RGS6: variants seen among roughly 807,000 people sequenced by gnomAD.
RGS6 encodes the protein regulator of G protein signaling 6, also known as regulator of G-protein signaling 6.
A neutral mutation model predicts 78.5 loss-of-function variants in RGS6; 30 were observed. That is an observed-to-expected ratio of 0.38 (90% confidence interval 0.29 to 0.52). The LOEUF (loss-of-function observed/expected upper bound fraction) is 0.52, where lower values mean the gene tolerates loss of function less well. RGS6 is among the 20% of genes least tolerant of loss of function. The probability of loss-of-function intolerance (pLI) is 0.85; values close to 1 mark genes in which losing one functional copy is unlikely to be tolerated. For missense variants in RGS6, 495 were observed against 609.7 expected (o/e 0.81, Z 1.98); for synonymous variants, 206 against 206.0 (o/e 1.00, Z 0.00).
At chr14:72,068,908 C>A (rs1024470413) in intron 2 of RGS6, among the ~76,000 whole-genome samples, 1 of 151,796 alleles carries the variant, frequency 6.6e-6, no homozygotes, top group South Asian at 2.1e-4. Context: ...TTATTATATT[C>A]TTGATATATT....
At chr14:71,947,791 A>AT (rs1343782002) in intron 1 of RGS6, among the ~76,000 whole-genome samples, 2 of 152,232 alleles carry the variant, frequency 1.3e-5, no homozygotes, top group African/African-American at 4.8e-5. Flanking sequence ...AACTTTGCTT[A>AT]TTGGGAATTC....
chr14:72,013,161 C>T (rs11852205), intron 2 of RGS6, among the ~76,000 whole-genome samples: 113,674 of 150,752 alleles, frequency 0.75, 43,804 homozygotes, highest in South Asian at 0.88. Flanking sequence ...ATGCCAACTA[C>T]TCGGGAGGTT....
chr14:72,292,694 C>G (rs1383388103), intron 2 of RGS6, among the ~76,000 whole-genome samples: 1 of 152,226 alleles, frequency 6.6e-6, no homozygotes, highest in Non-Finnish European at 1.5e-5. Context: ...GTTTTCTTCA[C>G]ATAAGCAAGA....
intron 2 of RGS6, among the ~76,000 whole-genome samples, chr14:72,169,813 G>A (rs1165956123): frequency 6.6e-6 from 1 of 152,116 alleles, no homozygotes; most frequent in Non-Finnish European, 1.5e-5. Flanking sequence ...GCAGAGTATA[G>A]GGGCACATGG....
At chr14:72,501,663 G>A (rs972879329) in intron 13 of RGS6, among the ~76,000 whole-genome samples, 1 of 152,296 alleles carries the variant, frequency 6.6e-6, no homozygotes, top group South Asian at 2.1e-4. Flanking sequence ...CCAGGGATAC[G>A]TATGTAAAGT....
At chr14:72,441,684 A>G (rs1011069773) in intron 3 of RGS6, among the ~76,000 whole-genome samples, 2 of 152,242 alleles carry the variant, frequency 1.3e-5, no homozygotes, top group African/African-American at 4.8e-5. Context: ...CCAGCACTCA[A>G]GGATGTCCTG....
At chr14:72,350,857 T>C (rs1191722330) in intron 2 of RGS6, among the ~76,000 whole-genome samples, 1 of 152,184 alleles carries the variant, frequency 6.6e-6, no homozygotes, top group Non-Finnish European at 1.5e-5. Flanking sequence ...TTATGAGGAC[T>C]AAACAGGATA....
intron 3 of RGS6, among the ~76,000 whole-genome samples, chr14:72,435,733 C>G (rs1597469737): frequency 6.6e-6 from 1 of 151,892 alleles, no homozygotes; most frequent in Non-Finnish European, 1.5e-5. Flanking sequence ...GCTTCTCATT[C>G]TCATTCTCTC....
intron 1 of RGS6, among the ~76,000 whole-genome samples, chr14:71,953,873 T>G (rs1013474524): frequency 6.6e-6 from 1 of 151,300 alleles, no homozygotes; most frequent in African/African-American, 2.4e-5. Flanking sequence ...GGTTTGCTGG[T>G]GATAAATTTC....
intron 2 of RGS6, among the ~76,000 whole-genome samples, chr14:72,085,200 A>C (rs1328998328): frequency 6.6e-6 from 1 of 152,234 alleles, no homozygotes; most frequent in African/African-American, 2.4e-5. Flanking sequence ...CAGAAGGGAA[A>C]GATATTAACA....
intron 2 of RGS6, among the ~76,000 whole-genome samples, chr14:72,334,077 C>A (rs945032086): frequency 1.2e-4 from 18 of 152,238 alleles, no homozygotes; most frequent in Non-Finnish European, 2.4e-4. Flanking sequence ...ATCTCCAACA[C>A]CCCCGAGTCT....
At chr14:72,016,092 T>G (rs1170189755) in intron 2 of RGS6, among the ~76,000 whole-genome samples, 1 of 152,228 alleles carries the variant, frequency 6.6e-6, no homozygotes, top group African/African-American at 2.4e-5. Context: ...TTGTGGCTTG[T>G]ACTTTTTTAT....
chr14:72,576,131 G>A, the RGS6 span, among the ~76,000 whole-genome samples: 8 of 152,324 alleles, frequency 5.3e-5, 1 homozygote, highest in South Asian at 1.7e-3. Flanking sequence ...GAATACAATT[G>A]AGGAAAGCTC....
chr14:72,540,847 C>T (rs940333300), intron 17 of RGS6: 1 of 985,250 alleles, frequency 1.0e-6, no homozygotes, highest in African/African-American at 1.7e-5. Context: ...TGGTACGCCC[C>T]AGCTAGAGAG....
intron 2 of RGS6, among the ~76,000 whole-genome samples, chr14:72,309,233 G>A (rs565799555): frequency 1.6e-4 from 25 of 152,334 alleles, no homozygotes; most frequent in African/African-American, 5.3e-4. Context: ...AGGTCAGAGC[G>A]AGGCTGGTGT....
chr14:72,130,840 C>T (rs898681627), intron 2 of RGS6, among the ~76,000 whole-genome samples: 3 of 152,220 alleles, frequency 2.0e-5, no homozygotes, highest in African/African-American at 4.8e-5. Flanking sequence ...TATACATAAA[C>T]GGATGAATGA....
At chr14:72,497,459 T>G (rs372823739) in intron 13 of RGS6, among the ~76,000 whole-genome samples, 2 of 152,334 alleles carry the variant, frequency 1.3e-5, no homozygotes, top group South Asian at 4.1e-4. Context: ...CTGAATCTCA[T>G]TCTTTGTTCT....
At chr14:71,895,330 C>A in the RGS6 span, among the ~76,000 whole-genome samples, 1 of 151,764 alleles carries the variant, frequency 6.6e-6, no homozygotes, top group African/African-American at 2.4e-5. Context: ...ATTATAGGCG[C>A]CCATCACCAC....
intron 2 of RGS6, among the ~76,000 whole-genome samples, chr14:71,969,774 C>T (rs2093700325): frequency 6.6e-6 from 1 of 152,176 alleles, no homozygotes; most frequent in South Asian, 2.1e-4. Context: ...CCTCATTTCC[C>T]CTTCTGTAAA....
Sources: allele counts gnomAD v4.1 joint callset (sites outside exome capture counted in the v4.1 genomes callset), GRCh38; gene constraint gnomAD v4.1.1; transcripts MANE v1.5; gene names NCBI Gene and HGNC (gene_info 2026-07-23, HGNC 2026-07-21).